The following HIVEP1 variants were observed in gnomAD, a reference collection of about 807,000 sequenced individuals.
HIVEP1 encodes the protein zinc finger protein 40.
A neutral mutation model predicts 180.0 loss-of-function variants in HIVEP1; 36 were observed. The ratio of observed to expected loss-of-function variants is 0.20; its 90% CI spans 0.15 to 0.26. The LOEUF (loss-of-function observed/expected upper bound fraction) is 0.26. Ranked by LOEUF, HIVEP1 falls within the 10% of genes least tolerant of loss-of-function variation. HIVEP1 has a pLI of 1.00. For missense variants in HIVEP1, 3,143 were observed against 3,268.7 expected, an observed-to-expected ratio of 0.96 and a Z score of 0.94; for synonymous variants, 1,239 against 1,239.0, an observed-to-expected ratio of 1.00 and a Z score of 0.00.
rs765772941 is a variant in HIVEP1, at chr6:12,089,245, A to G, written c.94+8A>G. On this transcript the variant is annotated splice_region_variant and intron_variant, in intron 3 of 8. Transcript: ENST00000379388. ...CAGAAGTTTCAAAAAAAGGTAAATT[A>G]AAATCAGCTTGAATGTAAACTTTAT... is the stretch of plus-strand genomic sequence containing the variant. 1 of 1,519,166 alleles carries G rather than the reference A, an allele frequency of 6.6e-7. No homozygotes were observed. The allele number at this position is 1,519,166 out of a possible 1,614,324, so 94.1% of individuals were successfully genotyped here.
the HIVEP1 span, among the ~76,000 whole-genome samples, chr6:12,181,715 A>T: frequency 6.6e-6 from 1 of 152,242 alleles, no homozygotes; most frequent in Non-Finnish European, 1.5e-5. Context: ...CCCTCGCTAC[A>T]GTCAGTACAG....
chr6:12,093,571 G>C (rs1038077225), intron 3 of HIVEP1, among the ~76,000 whole-genome samples: 1 of 151,584 alleles, frequency 6.6e-6, no homozygotes, highest in Non-Finnish European at 1.5e-5. Context: ...TTTTAATGTA[G>C]TGTAAGTTAG....
At chr6:12,118,694 A>G (rs184465188) in intron 3 of HIVEP1, among the ~76,000 whole-genome samples, 210 of 152,322 alleles carry the variant, frequency 1.4e-3, no homozygotes, top group African/African-American at 4.8e-3. Context: ...ATTTTTTTTA[A>G]ACCAAGGCCC....
chr6:12,142,669 T>C (rs1414192983), intron 7 of HIVEP1, among the ~76,000 whole-genome samples: 1 of 149,866 alleles, frequency 6.7e-6, no homozygotes, highest in Admixed American at 6.7e-5. Context: ...GAGAGAAGAA[T>C]CAAACAGACA....
chr6:12,058,893 G>A (rs1771049142), intron 2 of HIVEP1, among the ~76,000 whole-genome samples: 2 of 151,958 alleles, frequency 1.3e-5, no homozygotes, highest in Admixed American at 1.3e-4. Context: ...CTTGCTCTGT[G>A]TAGTTAACAG....
chr6:12,168,502 ACAAATT>A (rs1196463134), downstream of HIVEP1, among the ~76,000 whole-genome samples: 3 of 151,230 alleles, frequency 2.0e-5, no homozygotes, highest in East Asian at 3.9e-4. Flanking sequence ...GTTTTTCTAT[ACAAATT>A]ATATACAGAC....
chr6:12,148,254 C>T (rs905819961), intron 7 of HIVEP1, among the ~76,000 whole-genome samples: 3 of 152,288 alleles, frequency 2.0e-5, no homozygotes, highest in Admixed American at 2.0e-4. Context: ...TGGTCACTGT[C>T]GAGTGAGCTC....
At chr6:12,155,491 T>C (rs1759979874) in intron 7 of HIVEP1, among the ~76,000 whole-genome samples, 2 of 151,862 alleles carry the variant, frequency 1.3e-5, no homozygotes, top group African/African-American at 2.4e-5. Flanking sequence ...CTCCCACTTA[T>C]AAGTGAAAAC....
Position 12,020,516 on chromosome 6 carries a change from C to T in HIVEP1, c.40+4848C>T, listed in dbSNP as rs115264557. 876 of 459,014 alleles carry T rather than the reference C, an allele frequency of 1.9e-3. 7 individuals are homozygous for T. The highest frequency in any genetic ancestry group is 0.014 in the African/African-American group (693 of 50,012). The allele number at this position is 459,014 out of a possible 1,614,324, so 28.4% of individuals were successfully genotyped here. On this transcript the variant is annotated intron_variant, in intron 2 of 8. Transcript: ENST00000379388. The stretch of plus-strand genomic sequence containing the variant: ...TATCTCCACCACCTTCTCAGGCCTT[C>T]GCTTGGACCCTTGAGTAACATGGAA...
chr6:12,137,493 A>G (rs1267659479), intron 7 of HIVEP1, among the ~76,000 whole-genome samples: 1 of 152,226 alleles, frequency 6.6e-6, no homozygotes, highest in Non-Finnish European at 1.5e-5. Flanking sequence ...TTATTACTCA[A>G]AGTTGATATC....
intron 3 of HIVEP1, among the ~76,000 whole-genome samples, chr6:12,112,665 G>C (rs915808657): frequency 1.3e-5 from 2 of 152,106 alleles, no homozygotes; most frequent in African/African-American, 4.8e-5. Context: ...ATAGGCTGGG[G>C]GAGTCCCTGC....
chr6:12,063,116 ATAGT>A lies in HIVEP1; in HGVS notation c.41-26065_41-26062del, dbSNP rs1172397624. ...AAATTATGTTTTACTCTTTTTGGAAATAGTTAATAGAATAAAAGGAGGAATAAAG... is the reference window on the plus strand; with the variant it reads ...AAATTATGTTTTACTCTTTTTGGAAATAATAGAATAAAAGGAGGAATAAAG... On this transcript the variant is annotated intron_variant, in intron 2 of 8. Transcript: ENST00000379388. This position sits in a 1 kb window ranked among gnomAD's most constrained non-coding sequence, Gnocchi z 4.2. 2.0e-5 allele frequency among the ~76,000 whole-genome samples: 3 copies of A among 152,220 alleles called. No individual in the cohort carries two copies. The highest frequency in any genetic ancestry group is 2.0e-4 in the Admixed American group (3 of 15,276).
chr6:12,033,766 T>C (rs1359046942), intron 2 of HIVEP1, among the ~76,000 whole-genome samples: 1 of 152,246 alleles, frequency 6.6e-6, no homozygotes, highest in Non-Finnish European at 1.5e-5. Context: ...TATTAAGTTT[T>C]TAAAAGCCAA....
upstream of HIVEP1, among the ~76,000 whole-genome samples, chr6:12,011,089 A>T (rs926153270): frequency 6.6e-6 from 1 of 152,166 alleles, no homozygotes; most frequent in Non-Finnish European, 1.5e-5. Flanking sequence ...CGCTCTTTTA[A>T]TAGAACATCC....
intron 2 of HIVEP1, among the ~76,000 whole-genome samples, chr6:12,034,340 T>C (rs991634814): frequency 3.3e-5 from 5 of 152,250 alleles, no homozygotes; most frequent in African/African-American, 1.2e-4. Flanking sequence ...ACCGAATCTA[T>C]GAGTTTTATT....
At chr6:12,039,465 G>A (rs191562762) in intron 2 of HIVEP1, among the ~76,000 whole-genome samples, 1 of 152,318 alleles carries the variant, frequency 6.6e-6, no homozygotes, top group African/African-American at 2.4e-5. Context: ...TAGGAACCCT[G>A]CCTTAGGTCT....
At chr6:12,157,301 C>T (rs1005562283) in intron 7 of HIVEP1, among the ~76,000 whole-genome samples, 4 of 152,110 alleles carry the variant, frequency 2.6e-5, no homozygotes, top group Non-Finnish European at 5.9e-5. Flanking sequence ...TGTTAGACCA[C>T]CCCTTTTAAT....
chr6:12,148,616 C>T (rs1260056649), intron 7 of HIVEP1, among the ~76,000 whole-genome samples: 2 of 152,182 alleles, frequency 1.3e-5, no homozygotes, highest in East Asian at 3.9e-4. Context: ...GAATATTAGT[C>T]ATGTTACACA....
the HIVEP1 span, among the ~76,000 whole-genome samples, chr6:12,193,398 G>A: frequency 6.6e-6 from 1 of 152,112 alleles, no homozygotes; most frequent in Non-Finnish European, 1.5e-5. Flanking sequence ...CAGAATCAAT[G>A]CGATAAATAT....
Sources: gnomAD v4.1 joint callset for allele counts (sites outside exome capture counted in the v4.1 genomes callset) on GRCh38, gnomAD v4.1.1 for gene constraint, Gnocchi (gnomAD v3.1) non-coding constraint, MANE v1.5 for transcripts, NCBI Gene and HGNC (gene_info 2026-07-23, HGNC 2026-07-21) for gene names.